Variants in GABBR2 observed in about 807,000 individuals in gnomAD.
GABBR2 encodes the protein G-protein coupled receptor 51.
GABBR2 carries 23 observed loss-of-function variants against 105.6 expected under a neutral mutation model. The observed-to-expected ratio is 0.22, with a 90% CI of 0.16 to 0.31. The LOEUF (loss-of-function observed/expected upper bound fraction) is 0.31. Among genes scored for constraint, GABBR2 ranks in the 10% least tolerant of loss-of-function variants. The probability of loss-of-function intolerance (pLI) is 1.00; values close to 1 mark genes in which losing one functional copy is unlikely to be tolerated. For missense variants in GABBR2, 734 were observed against 1,245.5 expected, an observed-to-expected ratio of 0.59 and a Z score of 6.18; for synonymous variants, 478 against 499.7, an observed-to-expected ratio of 0.96 and a Z score of 0.58.
chr9:98,337,519 C>G (rs534571470), intron 13 of GABBR2, among the ~76,000 whole-genome samples: 5 of 152,240 alleles, frequency 3.3e-5, no homozygotes, highest in Non-Finnish European at 4.4e-5. Flanking sequence ...AGGGACCCTG[C>G]ATAGCTAAAA....
chr9:98,660,948 T>C (rs953882101), intron 1 of GABBR2, among the ~76,000 whole-genome samples: 3 of 152,126 alleles, frequency 2.0e-5, no homozygotes, highest in African/African-American at 7.2e-5. Flanking sequence ...CTCTGTTGCC[T>C]AGGCTGGAGT....
chr9:98,447,378 T>C (rs1313531283), intron 7 of GABBR2, among the ~76,000 whole-genome samples: 1 of 152,136 alleles, frequency 6.6e-6, no homozygotes. Context: ...AAAAGACTTC[T>C]ATGAGTAAAT....
chr9:98,620,025 G>GA (rs1829646050), intron 1 of GABBR2, among the ~76,000 whole-genome samples: 1 of 152,206 alleles, frequency 6.6e-6, no homozygotes, highest in Admixed American at 6.5e-5. Flanking sequence ...CTGTCTTACA[G>GA]AGAGGCTGTG....
chr9:98,459,376 C>A (rs1826384203), intron 6 of GABBR2, among the ~76,000 whole-genome samples: 1 of 152,156 alleles, frequency 6.6e-6, no homozygotes, highest in Admixed American at 6.5e-5. Context: ...AGATGGGCCC[C>A]AAATTCTTTG....
At chr9:98,537,838 A>G (rs1828212068) in intron 3 of GABBR2, among the ~76,000 whole-genome samples, 1 of 152,242 alleles carries the variant, frequency 6.6e-6, no homozygotes, top group Admixed American at 6.5e-5. Flanking sequence ...AAGTGAAGAA[A>G]AGGAAATGGA....
intron 1 of GABBR2, among the ~76,000 whole-genome samples, chr9:98,641,780 G>A (rs1484352479): frequency 6.6e-6 from 1 of 152,140 alleles, no homozygotes; most frequent in Non-Finnish European, 1.5e-5. Flanking sequence ...TTAAGAGGAG[G>A]AACCAAATTA....
At chr9:98,435,534 C>A (rs975178211) in intron 7 of GABBR2, among the ~76,000 whole-genome samples, 1 of 152,154 alleles carries the variant, frequency 6.6e-6, no homozygotes, top group Non-Finnish European at 1.5e-5. Context: ...CTGACCTGCT[C>A]TCCCCACCAC....
intron 3 of GABBR2, among the ~76,000 whole-genome samples, chr9:98,533,029 C>A (rs542226016): frequency 6.6e-6 from 1 of 152,152 alleles, no homozygotes; most frequent in Non-Finnish European, 1.5e-5. Context: ...TTTCCACCAA[C>A]AAACAATGTC....
chr9:98,468,157 A>G (rs187433846), intron 6 of GABBR2, among the ~76,000 whole-genome samples: 8 of 152,310 alleles, frequency 5.3e-5, no homozygotes, highest in Admixed American at 2.0e-4. Flanking sequence ...GGACAGTCCA[A>G]TGGGAAAGGA....
chr9:98,574,494 C>T (rs922437552), intron 2 of GABBR2, among the ~76,000 whole-genome samples: 17 of 152,328 alleles, frequency 1.1e-4, no homozygotes, highest in Admixed American at 9.1e-4. Context: ...ATGCCAGCCC[C>T]CAGCCTTCAA....
Position 98,454,086 on chromosome 9 carries a change from A to C in GABBR2, c.1131T>G (p.His377Gln), listed in dbSNP as rs866571870. ...GGATCCGCTGGTGCCGGCTGCTGGCATGCAGTGTCTCCATGGCCCTCTGCA... is the reference window on the plus strand; with the variant it reads ...GGATCCGCTGGTGCCGGCTGCTGGCCTGCAGTGTCTCCATGGCCCTCTGCA... The part of the protein sequence containing the change: ...KTLQRAMETL[H>Q]ASSRHQRIQD... Residue 377 changes from histidine (H) to glutamine (Q), a missense_variant, in exon 7 of 19, where the codon CAT becomes CAG. His to Gln is a conservative substitution (Grantham distance 24). Transcript: ENST00000259455. This position sits in a 1 kb window ranked among gnomAD's most constrained non-coding sequence, Gnocchi z 4.6. The C allele has an allele frequency of 6.2e-7, 1 of 1,614,094 alleles. No homozygotes were observed. The highest frequency in any genetic ancestry group is 1.3e-5 in the African/African-American group (1 of 75,022).
At chr9:98,371,199 G>A (rs1456908796) in intron 12 of GABBR2, among the ~76,000 whole-genome samples, 1 of 152,124 alleles carries the variant, frequency 6.6e-6, no homozygotes, top group Non-Finnish European at 1.5e-5. Flanking sequence ...CCCCAGCATA[G>A]GTGGCACTTC....
intron 11 of GABBR2, among the ~76,000 whole-genome samples, chr9:98,372,823 AT>A (rs1831808255): frequency 6.6e-6 from 1 of 152,240 alleles, no homozygotes; most frequent in Admixed American, 6.5e-5. Context: ...AATAGGAACT[AT>A]TTTTAGATTG....
chr9:98,636,292 C>T (rs1236773704), intron 1 of GABBR2, among the ~76,000 whole-genome samples: 2 of 152,114 alleles, frequency 1.3e-5, no homozygotes, highest in African/African-American at 4.8e-5. Flanking sequence ...GGGGCTGCCA[C>T]TCTCCCCCTG....
At chr9:98,570,791 T>C (rs1054609982) in intron 2 of GABBR2, among the ~76,000 whole-genome samples, 7 of 152,232 alleles carry the variant, frequency 4.6e-5, no homozygotes, top group Non-Finnish European at 7.3e-5. Context: ...AGATGCGGGC[T>C]GAGGCTGAGC....
intron 1 of GABBR2, among the ~76,000 whole-genome samples, chr9:98,655,272 C>G (rs959258130): frequency 1.1e-4 from 16 of 152,038 alleles, no homozygotes; most frequent in African/African-American, 3.9e-4. Context: ...TTGTACCACT[C>G]TGGTGGGGGA....
intron 18 of GABBR2, among the ~76,000 whole-genome samples, chr9:98,292,766 ATTC>A (rs555542804): frequency 1.9e-3 from 287 of 152,350 alleles, no homozygotes; most frequent in Non-Finnish European, 3.2e-3. Flanking sequence ...TTGTCAGAGC[ATTC>A]TTCTGTCTGT....
At chr9:98,349,240 T>C (rs1831350278) in intron 13 of GABBR2, among the ~76,000 whole-genome samples, 1 of 152,128 alleles carries the variant, frequency 6.6e-6, no homozygotes, top group South Asian at 2.1e-4. Flanking sequence ...TATTGATCTG[T>C]TTACGTTGAA....
At chr9:98,537,169 C>A (rs1046943259) in intron 3 of GABBR2, among the ~76,000 whole-genome samples, 2 of 152,178 alleles carry the variant, frequency 1.3e-5, no homozygotes, top group African/African-American at 2.4e-5. Flanking sequence ...ATTTTCAAAG[C>A]TCCCCAGATG....
Sources: allele counts gnomAD v4.1 joint callset (sites outside exome capture counted in the v4.1 genomes callset), GRCh38; gene constraint gnomAD v4.1.1; non-coding constraint Gnocchi (gnomAD v3.1); transcripts MANE v1.5; gene names NCBI Gene and HGNC (gene_info 2026-07-23, HGNC 2026-07-21).